The following HMGA2 variants were observed in gnomAD, a reference collection of about 807,000 sequenced individuals.
The protein encoded by HMGA2 is high mobility group protein HMGI-C.
Under a neutral mutation model 19.1 loss-of-function variants are expected in HMGA2, and 8 were observed. The observed-to-expected ratio is 0.42, with a 90% CI of 0.25 to 0.76. The LOEUF is 0.76. HMGA2 is among the 30% of genes least tolerant of loss of function. The probability of loss-of-function intolerance (pLI) is 0.28; values close to 1 mark genes in which losing one functional copy is unlikely to be tolerated. For missense variants in HMGA2, 109 were observed against 136.3 expected (o/e 0.80, Z 1.00); for synonymous variants, 60 against 48.8 (o/e 1.23, Z -0.96).
At chr12:65,895,921 A>C (rs1051387132) in intron 3 of HMGA2, among the ~76,000 whole-genome samples, 3 of 152,134 alleles carry the variant, frequency 2.0e-5, no homozygotes, top group Non-Finnish European at 2.9e-5. Flanking sequence ...CTGTCAGTAA[A>C]GTTGAGGAGA....
At chr12:65,948,658 T>C (rs1489036480) in intron 3 of HMGA2, among the ~76,000 whole-genome samples, 5 of 152,176 alleles carry the variant, frequency 3.3e-5, no homozygotes, top group African/African-American at 1.2e-4. Context: ...CCAACCAACA[T>C]TGAAAGTATT....
At position 65,963,840 on chromosome 12, in the gene HMGA2, A is replaced by G. The variant is rs879597401; in HGVS notation, c.*548A>G. 2.7e-5 allele frequency: 6 copies of G among 219,694 alleles called. No homozygotes were observed. In the Admixed American group the frequency reaches 3.5e-4, roughly 13 times the overall value. The allele number at this position is 219,694 out of a possible 1,614,324, so 13.6% of individuals were successfully genotyped here. ...CTAGATACTACTTTCTCTTTTTCGTATAATCTTGTAGACACTTACTTGATG... is the reference window on the plus strand; with the variant it reads ...CTAGATACTACTTTCTCTTTTTCGTGTAATCTTGTAGACACTTACTTGATG... On this transcript the variant is annotated 3_prime_UTR_variant, in exon 5 of 5. Coordinates refer to ENST00000403681, the MANE Select transcript of HMGA2 (RefSeq NM_003483.6).
intron 3 of HMGA2, among the ~76,000 whole-genome samples, chr12:65,910,646 C>A (rs767519660): frequency 3.9e-5 from 6 of 152,160 alleles, no homozygotes; most frequent in Non-Finnish European, 5.9e-5. Flanking sequence ...TTCATGACAT[C>A]TTCTGGTAGG....
intron 3 of HMGA2, chr12:65,857,638 T>C (rs763490071): frequency 9.2e-5 from 14 of 152,190 alleles, no homozygotes; most frequent in Non-Finnish European, 1.8e-4. Context: ...CTGCATTCTC[T>C]TTAATATTCA....
intron 3 of HMGA2, among the ~76,000 whole-genome samples, chr12:65,865,587 G>C (rs1373296797): frequency 6.6e-6 from 1 of 151,400 alleles, no homozygotes; most frequent in Non-Finnish European, 1.5e-5. Flanking sequence ...CCAGTGTCAA[G>C]ATGGGAAGGC....
chr12:65,859,806 G>A (rs978760000), intron 3 of HMGA2: 24 of 189,342 alleles, frequency 1.3e-4, no homozygotes, highest in Non-Finnish European at 1.8e-4. Context: ...CATTTAGGCC[G>A]TGTGCAGTGG....
At chr12:65,962,211 G>A (rs1181706299) in intron 4 of HMGA2, among the ~76,000 whole-genome samples, 1 of 152,098 alleles carries the variant, frequency 6.6e-6, no homozygotes, top group Non-Finnish European at 1.5e-5. Context: ...TCTCACTAAC[G>A]ACGCTTTTAT....
chr12:65,898,006 G>C (rs1874207638), intron 3 of HMGA2, among the ~76,000 whole-genome samples: 2 of 152,026 alleles, frequency 1.3e-5, no homozygotes, highest in South Asian at 4.2e-4. Context: ...CATCGGAAGG[G>C]ATAGCACAGT....
At chr12:65,930,025 C>G (rs1875652091) in intron 3 of HMGA2, among the ~76,000 whole-genome samples, 1 of 152,068 alleles carries the variant, frequency 6.6e-6, no homozygotes, top group South Asian at 2.1e-4. Flanking sequence ...AGAAAGAGGA[C>G]AGAGATGATA....
chr12:65,906,110 ATGT>A (rs1874581529), intron 3 of HMGA2, among the ~76,000 whole-genome samples: 1 of 152,204 alleles, frequency 6.6e-6, no homozygotes, highest in Non-Finnish European at 1.5e-5. Flanking sequence ...GCTGTTCCAT[ATGT>A]TAATTTAATT....
At chr12:65,934,078 C>G (rs1207578109) in intron 3 of HMGA2, among the ~76,000 whole-genome samples, 1 of 152,162 alleles carries the variant, frequency 6.6e-6, no homozygotes, top group African/African-American at 2.4e-5. Context: ...ATTCACTGAA[C>G]AGTAGCCCTC....
rs1876872068 is a variant in HMGA2 at position 65,965,140 on chromosome 12, A to G, written c.*1848A>G. On this transcript the variant is annotated 3_prime_UTR_variant, in exon 5 of 5. Transcript: ENST00000403681. ...AAATAAGTAAATAATAAATAAAATA[A>G]AAGCCAACCTTCAAAGAAACTTGAA... 2 of 197,290 alleles carry G rather than the reference A, an allele frequency of 1.0e-5. No individual in the cohort carries two copies. The highest frequency in any genetic ancestry group is 2.1e-5 in the Non-Finnish European group (2 of 94,882). The allele number at this position is 197,290 out of a possible 1,614,324, so 12.2% of individuals were successfully genotyped here. A position where few individuals can be genotyped will look rare whatever the true frequency, so the allele number is the denominator to read the frequency against.
intron 3 of HMGA2, among the ~76,000 whole-genome samples, chr12:65,893,187 C>T (rs745793872): frequency 3.3e-5 from 5 of 152,150 alleles, no homozygotes; most frequent in Non-Finnish European, 5.9e-5. Flanking sequence ...GCTCAACTCT[C>T]GAATTGCTGT....
At chr12:65,849,003 A>T (rs970278650) in intron 3 of HMGA2, among the ~76,000 whole-genome samples, 14 of 152,252 alleles carry the variant, frequency 9.2e-5, no homozygotes, top group African/African-American at 3.4e-4. Flanking sequence ...TAATAACTGT[A>T]TGTGCATGGA....
chr12:65,893,141 G>T (rs969494074), intron 3 of HMGA2, among the ~76,000 whole-genome samples: 3 of 152,324 alleles, frequency 2.0e-5, no homozygotes, highest in African/African-American at 7.2e-5. Flanking sequence ...TGTGGAAGGG[G>T]AGACAAGGTC....
At chr12:65,875,730 C>A (rs571116272) in intron 3 of HMGA2, among the ~76,000 whole-genome samples, 4 of 149,694 alleles carry the variant, frequency 2.7e-5, no homozygotes, top group African/African-American at 9.8e-5. Flanking sequence ...GGATTATAGG[C>A]GTAAGCCACT....
intron 3 of HMGA2, among the ~76,000 whole-genome samples, chr12:65,864,473 CCT>C (rs1185724072): frequency 4.6e-5 from 7 of 152,118 alleles, no homozygotes; most frequent in African/African-American, 9.7e-5. Flanking sequence ...CTTGAAATCC[CCT>C]GTTATGTTAC....
At chr12:65,915,898 C>A (rs779551677) in intron 3 of HMGA2, among the ~76,000 whole-genome samples, 2 of 152,164 alleles carry the variant, frequency 1.3e-5, no homozygotes, top group African/African-American at 4.8e-5. Context: ...CTCTTCTCTA[C>A]CACGCCTCTA....
At chr12:65,908,800 A>G (rs1255759547) in intron 3 of HMGA2, among the ~76,000 whole-genome samples, 3 of 152,210 alleles carry the variant, frequency 2.0e-5, no homozygotes, top group Non-Finnish European at 4.4e-5. Context: ...CAACTCCCAT[A>G]TAGACTGAGG....
Sources: gnomAD v4.1 joint callset for allele counts (sites outside exome capture counted in the v4.1 genomes callset) on GRCh38, gnomAD v4.1.1 for gene constraint, MANE v1.5 for transcripts, NCBI Gene and HGNC (gene_info 2026-07-23, HGNC 2026-07-21) for gene names.